Variants in POPDC1 observed in about 807,000 individuals in gnomAD.
The protein encoded by POPDC1 is popeye domain-containing protein 1.
the POPDC1 span, among the ~76,000 whole-genome samples, chr6:105,113,159 TG>T: frequency 6.6e-6 from 1 of 151,404 alleles, no homozygotes; most frequent in Non-Finnish European, 1.5e-5. Context: ...CTTGAACTCC[TG>T]GGCTCAAGCG....
the POPDC1 span, among the ~76,000 whole-genome samples, chr6:105,126,416 A>G: frequency 6.6e-6 from 1 of 151,046 alleles, no homozygotes; most frequent in Admixed American, 6.6e-5. Flanking sequence ...TGGGCAACAG[A>G]GTAACACTGT....
chr6:105,103,870 C>T, the POPDC1 span, among the ~76,000 whole-genome samples: 1 of 152,168 alleles, frequency 6.6e-6, no homozygotes, highest in Non-Finnish European at 1.5e-5. Flanking sequence ...GAAGGGAGGA[C>T]TCAACACAAA....
At chr6:105,106,897 A>T in the POPDC1 span, among the ~76,000 whole-genome samples, 1 of 152,370 alleles carries the variant, frequency 6.6e-6, no homozygotes, top group Admixed American at 6.5e-5. Flanking sequence ...TGAAATGATT[A>T]TATCAGGGTA....
the POPDC1 span, among the ~76,000 whole-genome samples, chr6:105,105,711 A>G: frequency 6.7e-6 from 1 of 148,880 alleles, no homozygotes; most frequent in South Asian, 2.2e-4. Context: ...ACATTAATAA[A>G]TAACTTCTAC....
the POPDC1 span, chr6:105,100,829 A>G: frequency 7.6e-5 from 20 of 262,734 alleles, no homozygotes; most frequent in African/African-American, 4.2e-4. Flanking sequence ...ATATCTAGAA[A>G]AGACTGTGAA....
chr6:105,107,856 C>T, the POPDC1 span, among the ~76,000 whole-genome samples: 12 of 151,726 alleles, frequency 7.9e-5, no homozygotes, highest in Non-Finnish European at 1.5e-5. Flanking sequence ...TTATTATATC[C>T]TAAGATTTTT....
the POPDC1 span, chr6:105,101,021 A>T: frequency 6.6e-7 from 1 of 1,515,692 alleles, no homozygotes; most frequent in Non-Finnish European, 8.8e-7. Context: ...AGCCATGAAA[A>T]AGTGCTGGTA....
chr6:105,128,563 A>ATATTCAGTAATTTTT, the POPDC1 span, among the ~76,000 whole-genome samples: 5 of 152,160 alleles, frequency 3.3e-5, no homozygotes, highest in Admixed American at 2.6e-4. Context: ...ACCTGGAAAA[A>ATATTCAGTAATTTTT]ACTGAATATT....
chr6:105,105,186 C>G, the POPDC1 span, among the ~76,000 whole-genome samples: 26 of 152,304 alleles, frequency 1.7e-4, no homozygotes, highest in East Asian at 3.9e-3. Context: ...CAATCCCCCC[C>G]CAACTCCCTG....
the POPDC1 span, chr6:105,101,186 G>A: frequency 1.2e-6 from 2 of 1,612,798 alleles, no homozygotes; most frequent in South Asian, 1.1e-5. Context: ...CATCTTGGCA[G>A]AGGCTCGCTG....
At chr6:105,102,632 A>T in the POPDC1 span, among the ~76,000 whole-genome samples, 1 of 152,164 alleles carries the variant, frequency 6.6e-6, no homozygotes, top group Admixed American at 6.5e-5. Context: ...CTCTGTTTCC[A>T]TATCTATAAA....
chr6:105,101,727 G>C, the POPDC1 span, among the ~76,000 whole-genome samples: 1 of 152,156 alleles, frequency 6.6e-6, no homozygotes, highest in Admixed American at 6.6e-5. Context: ...AAAGGAGACA[G>C]GGGAAGAGGA....
the POPDC1 span, among the ~76,000 whole-genome samples, chr6:105,107,189 C>T: frequency 6.6e-6 from 1 of 152,050 alleles, no homozygotes; most frequent in East Asian, 1.9e-4. Flanking sequence ...TTAACTTCTA[C>T]AAATATGTGA....
chr6:105,122,026 T>C, the POPDC1 span, among the ~76,000 whole-genome samples: 1 of 152,260 alleles, frequency 6.6e-6, no homozygotes, highest in Non-Finnish European at 1.5e-5. Context: ...AAGTTGGCTC[T>C]GGGAGAATGT....
At chr6:105,136,081 C>T in the POPDC1 span, 2 of 152,140 alleles carry the variant, frequency 1.3e-5, no homozygotes, top group African/African-American at 4.8e-5. Context: ...AACATTAAAC[C>T]TCTACCAAAC....
the POPDC1 span, among the ~76,000 whole-genome samples, chr6:105,132,486 C>T: frequency 6.6e-6 from 1 of 152,190 alleles, no homozygotes; most frequent in East Asian, 1.9e-4. Flanking sequence ...AATGGGTGCA[C>T]ACCTGCATCC....
chr6:105,104,036 G>A, the POPDC1 span, among the ~76,000 whole-genome samples: 124 of 152,276 alleles, frequency 8.1e-4, no homozygotes, highest in African/African-American at 2.9e-3. Context: ...TCCTTAGGGT[G>A]ACATCCAGGG....
At chr6:105,116,962 C>T in the POPDC1 span, 3 of 1,139,520 alleles carry the variant, frequency 2.6e-6, no homozygotes, top group Non-Finnish European at 3.7e-6. Flanking sequence ...ATTTAGTGGA[C>T]ATTATCATAG....
the POPDC1 span, among the ~76,000 whole-genome samples, chr6:105,115,470 T>C: frequency 6.6e-6 from 1 of 152,248 alleles, no homozygotes; most frequent in Non-Finnish European, 1.5e-5. Flanking sequence ...ACAATTTCAA[T>C]TTCTGAAACA....
Sources: allele counts gnomAD v4.1 joint callset (sites outside exome capture counted in the v4.1 genomes callset), GRCh38; gene constraint gnomAD v4.1.1; transcripts MANE v1.5; gene names NCBI Gene and HGNC (gene_info 2026-07-23, HGNC 2026-07-21).